The following WDPCP variants were observed in gnomAD, a reference collection of about 807,000 sequenced individuals.
The protein encoded by WDPCP is WD repeat-containing and planar cell polarity effector protein fritz homolog.
WDPCP carries 71 observed loss-of-function variants against 93.1 expected under a neutral mutation model. That is an observed-to-expected ratio of 0.76 (90% CI 0.63 to 0.93). WDPCP has a LOEUF of 0.93. Among genes scored for constraint, WDPCP ranks in the 40% least tolerant of loss-of-function variants. The pLI is 0.00. For missense variants in WDPCP, 844 were observed against 887.4 expected, an observed-to-expected ratio of 0.95 and a Z score of 0.62; for synonymous variants, 315 against 315.0, an observed-to-expected ratio of 1.00 and a Z score of 0.00.
intron 14 of WDPCP, among the ~76,000 whole-genome samples, chr2:63,197,722 A>C (rs1370376628): frequency 6.6e-6 from 1 of 152,172 alleles, no homozygotes; most frequent in Non-Finnish European, 1.5e-5. Flanking sequence ...GAGAACATGC[A>C]ATATTTGTCT....
chr2:63,292,784 A>C (rs1186805323), intron 13 of WDPCP, among the ~76,000 whole-genome samples: 1 of 152,222 alleles, frequency 6.6e-6, no homozygotes, highest in Non-Finnish European at 1.5e-5. Flanking sequence ...TAATAATTGC[A>C]TTGGCAGAAT....
chr2:63,684,023 C>G (rs150203031), intron 2 of WDPCP, among the ~76,000 whole-genome samples: 3 of 152,016 alleles, frequency 2.0e-5, no homozygotes, highest in Non-Finnish European at 4.4e-5. Context: ...CAATGATAGC[C>G]GGAGACTTCA....
chr2:63,135,928 C>G (rs1670587091), intron 17 of WDPCP, among the ~76,000 whole-genome samples: 1 of 152,032 alleles, frequency 6.6e-6, no homozygotes, highest in Non-Finnish European at 1.5e-5. Context: ...GAGATGGGGT[C>G]CTGCTATGTT....
upstream of WDPCP, chr2:63,589,110 C>G: frequency 4.3e-6 from 7 of 1,614,138 alleles, no homozygotes; most frequent in Non-Finnish European, 5.9e-6. Flanking sequence ...GGGTTTCTTG[C>G]ACTTTAGGGA....
chr2:63,408,460 C>T (rs1694768958), intron 9 of WDPCP, among the ~76,000 whole-genome samples: 1 of 152,126 alleles, frequency 6.6e-6, no homozygotes, highest in Non-Finnish European at 1.5e-5. Flanking sequence ...CAGGCCATTC[C>T]TAACCTGATA....
Position 63,593,834 on chromosome 2 carries a change from A to G in WDPCP, n.488+56825T>C, listed in dbSNP as rs1206092956. Reference sequence around the variant, plus strand: ...TTTACTCAGAGTCATCACTTTGAATATCAGTTATCTTTGTTTCTATGTCTG... The same window carrying G: ...TTTACTCAGAGTCATCACTTTGAATGTCAGTTATCTTTGTTTCTATGTCTG... On this transcript the variant is annotated intron_variant and non_coding_transcript_variant, in intron 3 of 4. Transcript: ENST00000467687. Among the ~76,000 whole-genome samples, 4 of 152,176 alleles carry G rather than the reference A, an allele frequency of 2.6e-5. No individual in the cohort carries two copies. The East Asian group carries it at 7.7e-4, about 29-fold the overall frequency.
intron 2 of WDPCP, among the ~76,000 whole-genome samples, chr2:63,671,696 C>T (rs1490129883): frequency 6.6e-6 from 1 of 152,018 alleles, no homozygotes; most frequent in African/African-American, 2.4e-5. Context: ...TACAGGTGCA[C>T]GCCACCACAC....
intron 6 of WDPCP, among the ~76,000 whole-genome samples, chr2:63,458,936 C>T (rs1168903604): frequency 6.6e-6 from 1 of 152,114 alleles, no homozygotes; most frequent in Non-Finnish European, 1.5e-5. Flanking sequence ...ATATTTACAG[C>T]CAACTGATCT....
chr2:63,358,115 A>G (rs2104624025), intron 12 of WDPCP, among the ~76,000 whole-genome samples: 1 of 152,280 alleles, frequency 6.6e-6, no homozygotes, highest in Admixed American at 6.5e-5. Context: ...AGAGGAGTAG[A>G]AAAGCTAATT....
intron 13 of WDPCP, among the ~76,000 whole-genome samples, chr2:63,302,736 G>A (rs2090478): frequency 0.8 from 121,517 of 151,792 alleles, 49,507 homozygotes; most frequent in East Asian, 0.96. Context: ...TGTGTGCTTT[G>A]TGTGTCTTTC....
intron 2 of WDPCP, among the ~76,000 whole-genome samples, chr2:63,726,216 A>T (rs548690481): frequency 5.1e-4 from 77 of 152,178 alleles, no homozygotes; most frequent in African/African-American, 1.7e-3. Context: ...TCTTGAGTTG[A>T]TTTTTGTATA....
intron 2 of WDPCP, among the ~76,000 whole-genome samples, chr2:63,676,391 T>C (rs1189152040): frequency 6.6e-6 from 1 of 152,170 alleles, no homozygotes; most frequent in Non-Finnish European, 1.5e-5. Flanking sequence ...AGCCTTTTGT[T>C]TGGGACTTTT....
chr2:63,411,812 C>G (rs1695043435), intron 9 of WDPCP, among the ~76,000 whole-genome samples: 1 of 152,042 alleles, frequency 6.6e-6, no homozygotes, highest in Admixed American at 6.6e-5. Flanking sequence ...AAATACAACC[C>G]TTCTAGCTTA....
chr2:63,679,045 G>A (rs906807009), intron 2 of WDPCP, among the ~76,000 whole-genome samples: 7 of 152,178 alleles, frequency 4.6e-5, no homozygotes, highest in African/African-American at 9.7e-5. Flanking sequence ...CTAAAATGTC[G>A]TAAATTTCTA....
intron 6 of WDPCP, among the ~76,000 whole-genome samples, chr2:63,463,977 A>G (rs1699191240): frequency 6.6e-6 from 1 of 152,166 alleles, no homozygotes; most frequent in Non-Finnish European, 1.5e-5. Flanking sequence ...TTTCTTGCAT[A>G]TGACACCAAA....
chr2:63,560,415 AAT>A (rs1706516266), intron 1 of WDPCP, among the ~76,000 whole-genome samples: 2 of 152,168 alleles, frequency 1.3e-5, no homozygotes, highest in African/African-American at 4.8e-5. Flanking sequence ...AATGCAACAG[AAT>A]AGAGATCTCA....
intron 2 of WDPCP, among the ~76,000 whole-genome samples, chr2:63,690,534 G>A (rs111463140): frequency 4.6e-5 from 7 of 152,108 alleles, no homozygotes; most frequent in African/African-American, 1.7e-4. Flanking sequence ...TGGGCAGATC[G>A]CTTGAGCCCA....
chr2:63,182,286 C>T (rs1450715350), intron 14 of WDPCP, among the ~76,000 whole-genome samples: 1 of 152,022 alleles, frequency 6.6e-6, no homozygotes, highest in Middle Eastern at 3.2e-3. Flanking sequence ...GTGGTCTTAT[C>T]ATATATTGCT....
chr2:63,314,341 G>A (rs1686469477), intron 12 of WDPCP, among the ~76,000 whole-genome samples: 1 of 151,946 alleles, frequency 6.6e-6, no homozygotes, highest in South Asian at 2.1e-4. Flanking sequence ...CTAATTTTTT[G>A]TATTTTTTGT....
Sources: gnomAD v4.1 joint callset for allele counts (sites outside exome capture counted in the v4.1 genomes callset) on GRCh38, gnomAD v4.1.1 for gene constraint, MANE v1.5 for transcripts, NCBI Gene and HGNC (gene_info 2026-07-23, HGNC 2026-07-21) for gene names.